HDGFL2: variants seen among roughly 807,000 people sequenced by gnomAD.
HDGFL2 encodes the protein hepatoma-derived growth factor-related protein 2.
Under a neutral mutation model 77.1 loss-of-function variants are expected in HDGFL2, and 36 were observed. That is an observed-to-expected ratio of 0.47 (90% confidence interval 0.36 to 0.62). The LOEUF (loss-of-function observed/expected upper bound fraction) is 0.62, where lower values mean the gene tolerates loss of function less well. Among genes scored for constraint, HDGFL2 ranks in the 20% least tolerant of loss-of-function variants. The pLI, the probability that HDGFL2 is intolerant of heterozygous loss-of-function variation, is 0.00. For missense variants in HDGFL2, 976 were observed against 973.4 expected (o/e 1.00, Z -0.04); for synonymous variants, 463 against 413.1 (o/e 1.12, Z -1.46).
chr19:4,502,096 G>T lies in HDGFL2; in HGVS notation c.*86G>T. On this transcript the variant is annotated 3_prime_UTR_variant, in exon 16 of 16. Transcript: ENST00000616600. Reference sequence around the variant, plus strand: ...TCGCAGGAGAGCAGAGCAGAGAACTGTGGGGAACGCTGTGCTGTTTGTATT... The same window carrying T: ...TCGCAGGAGAGCAGAGCAGAGAACTTTGGGGAACGCTGTGCTGTTTGTATT... 1.1e-6 allele frequency: 1 copy of T among 945,530 alleles called. No individual in the cohort carries two copies. The highest frequency in any genetic ancestry group is 1.6e-6 in the Non-Finnish European group (1 of 607,874). 58.6% of individuals were successfully genotyped at this position (945,530 alleles called of 1,614,324 possible). A position where few individuals can be genotyped will look rare whatever the true frequency, so the allele number is the denominator to read the frequency against.
intron 9 of HDGFL2, 130 bp from the exon 10 acceptor site, chr19:4,496,172 C>G: frequency 6.8e-6 from 5 of 739,118 alleles, no homozygotes; most frequent in South Asian, 6.6e-5. Context: ...CCCATCCTGC[C>G]CCAGCACCTT....
intron 3 of HDGFL2, among the ~76,000 whole-genome samples, chr19:4,487,242 A>G (rs1180340148): frequency 6.6e-6 from 1 of 152,028 alleles, no homozygotes; most frequent in Non-Finnish European, 1.5e-5. Flanking sequence ...CTGGAATGAC[A>G]GGCGTGAGCC....
intron 4 of HDGFL2, among the ~76,000 whole-genome samples, chr19:4,489,405 CCAT>C (rs1017395060): frequency 2.8e-5 from 4 of 143,998 alleles, no homozygotes; most frequent in Non-Finnish European, 6.0e-5. Context: ...GGCACCACCA[CCAT>C]ATTTTTTTTT....
Position 4,501,207 on chromosome 19 carries a change from G to T in HDGFL2, c.1806G>T (p.Val602=). Residue 602 remains valine (V), a synonymous_variant, in exon 15 of 16, where the codon GTG becomes GTT. Coordinates refer to ENST00000616600, the MANE Select transcript of HDGFL2 (RefSeq NM_001001520.3). The part of the protein sequence containing the change: ...DKPSTDLSAP[V]NGEATSQKGE... ...CCCACCCAGATCTCTCAGCCCCAGT[G>T]AATGGCGAGGCCACATCACAGAAGG... is the stretch of plus-strand genomic sequence containing the variant. 1 of 1,613,490 alleles carries T rather than the reference G, an allele frequency of 6.2e-7. No individual in the cohort carries two copies. The highest frequency in any genetic ancestry group is 1.1e-5 in the South Asian group (1 of 91,074).
intron 15 of HDGFL2, chr19:4,501,666 A>G (rs1975889890): frequency 2.0e-6 from 1 of 492,056 alleles, no homozygotes; most frequent in South Asian, 3.5e-5. Context: ...TGTCTGGTAC[A>G]AGGCTCAGTG....
Position 4,488,907 on chromosome 19 carries a change from C to T in HDGFL2, c.489+31C>T, listed in dbSNP as rs1336408127. The T allele has an allele frequency of 9.4e-6, 14 of 1,486,242 alleles. No homozygotes were observed. The South Asian group carries it at 1.6e-4, about 17-fold the overall frequency. The allele number at this position is 1,486,242 out of a possible 1,614,324, so 92.1% of individuals were successfully genotyped here. On this transcript the variant is annotated intron_variant, in intron 4 of 15. Transcript: ENST00000616600. ...GGAGGACCAAGGTGGGCTGGCCCTT[C>T]ATCCCCTTGCCCTGATGTCTCGCCT...
rs578158151 is a variant in HDGFL2 at position 4,501,823 on chromosome 19, A to G, written c.1917-88A>G. On this transcript the variant is annotated intron_variant, in intron 15 of 15. Transcript: ENST00000616600. ...GCCTCAGGTGCCACAACGGGGGTAC[A>G]CTCCTCGGTGCCCATCCCACCCAAC... 2,984 of 970,298 alleles carry G rather than the reference A, an allele frequency of 3.1e-3. 7 individuals carry two copies. Among genetic ancestry groups the G allele is most frequent in the Non-Finnish European group, 4.1e-3 (2,839 of 696,232 alleles). 60.1% of individuals were successfully genotyped at this position (970,298 alleles called of 1,614,324 possible). A position where few individuals can be genotyped will look rare whatever the true frequency, so the allele number is the denominator to read the frequency against.
rs1384924803 is a variant in HDGFL2, at chr19:4,475,515, A to C, written c.220A>C (p.Arg74=). The C allele has an allele frequency of 6.2e-7, 1 of 1,603,874 alleles. No individual in the cohort carries two copies. The highest frequency in any genetic ancestry group is 2.2e-5 in the East Asian group (1 of 44,828). The part of the protein sequence containing the change: ...CKDKYGKPNK[R]KGFNEGLWEI... ...AGACAAGTACGGGAAGCCCAACAAG[A>C]GGAAAGGCTTCAATGAAGGGCTGTG... The change falls in exon 3 of 16, where the codon AGG becomes CGG. Residue 74 remains arginine (R), a synonymous_variant. Transcript: ENST00000616600.
At chr19:4,492,283 AGTGT>A (rs993694828) in intron 6 of HDGFL2, among the ~76,000 whole-genome samples, 2 of 151,420 alleles carry the variant, frequency 1.3e-5, no homozygotes, top group Admixed American at 6.6e-5. Flanking sequence ...GTATGTGTGC[AGTGT>A]GTGTGTAGAT....
In HDGFL2 at chr19:4,498,392, C is replaced by T. The variant is rs1389899304; in HGVS notation, c.1473+16C>T. The T allele has an allele frequency of 1.2e-6, 2 of 1,602,918 alleles. No individual in the cohort carries two copies. Among genetic ancestry groups the T allele is most frequent in the East Asian group, 2.2e-5 (1 of 44,794 alleles). ...CGACAGCCCGGTAAGACCCTCAGGGCCTGTGAGCCAAGCAGTCCCCGCTGC... is the reference window on the plus strand; with the variant it reads ...CGACAGCCCGGTAAGACCCTCAGGGTCTGTGAGCCAAGCAGTCCCCGCTGC... On this transcript the variant is annotated intron_variant, in intron 12 of 15. Coordinates refer to ENST00000616600, the MANE Select transcript of HDGFL2 (RefSeq NM_001001520.3).
intron 13 of HDGFL2, 108 bp downstream of exon 13, chr19:4,499,023 C>T (rs1599725322): frequency 2.6e-6 from 2 of 759,936 alleles, no homozygotes; most frequent in African/African-American, 3.4e-5. Context: ...AGCCCTGGGT[C>T]AGCGAGGAGG....
intron 4 of HDGFL2, among the ~76,000 whole-genome samples, chr19:4,490,040 G>A (rs1037714988): frequency 1.3e-5 from 2 of 152,134 alleles, no homozygotes; most frequent in Non-Finnish European, 2.9e-5. Flanking sequence ...CAAGCGTGAC[G>A]TCCTCAGGGT....
intron 3 of HDGFL2, among the ~76,000 whole-genome samples, chr19:4,486,900 C>A (rs1002869270): frequency 6.6e-6 from 1 of 152,168 alleles, no homozygotes; most frequent in Admixed American, 6.5e-5. Flanking sequence ...TCTGACAACT[C>A]CTCTGTAAAA....
intron 1 of HDGFL2, among the ~76,000 whole-genome samples, chr19:4,472,728 T>G (rs1408708165): frequency 1.4e-5 from 2 of 144,804 alleles, no homozygotes; most frequent in African/African-American, 5.2e-5. Context: ...GGCCTGGGGG[T>G]CCTGGGCTGC....
intron 3 of HDGFL2, among the ~76,000 whole-genome samples, chr19:4,487,454 G>A (rs772458505): frequency 3.3e-5 from 5 of 151,776 alleles, no homozygotes; most frequent in Non-Finnish European, 7.4e-5. Context: ...AGGGGGTTTC[G>A]CCATGTTGCC....
Position 4,494,230 on chromosome 19 carries a change from C to T in HDGFL2, c.979C>T (p.Leu327=). ...KRRDEARRRE[L]EARRRREQEE... is the part of the protein sequence containing the mutation. ...GCGGGACGAGGCGCGGAGGCGCGAG[C>T]TGGAGGCCCGGCGGCGGCGAGAGCA... Residue 327 remains leucine (L), a synonymous_variant, in exon 9 of 16, where the codon CTG becomes TTG. Transcript: ENST00000616600. The T allele has an allele frequency of 1.4e-6, 2 of 1,463,712 alleles. No homozygotes were observed. The highest frequency in any genetic ancestry group is 1.4e-5 in the South Asian group (1 of 71,722). 90.7% of individuals were successfully genotyped at this position (1,463,712 alleles called of 1,614,324 possible).
Position 4,475,582 on chromosome 19 carries a change from C to T in HDGFL2, c.287C>T (p.Pro96Leu), listed in dbSNP as rs185764004. 199 of 1,573,258 alleles carry T rather than the reference C, an allele frequency of 1.3e-4. No homozygotes were observed. The African/African-American group carries it at 2.3e-3, about 18-fold the overall frequency. ...CCCCACGCCAGCTACAGCGCCCCTC[C>T]GGTGAGTACCCGGGGTGGAGAGCCA... is the stretch of plus-strand genomic sequence containing the variant. ...NNPHASYSAP[P>L]PVSSSDSEAP... The change falls in exon 3 of 16, where the codon CCG becomes CTG. Residue 96 changes from proline to leucine, a missense_variant and splice_region_variant. Coordinates refer to ENST00000616600, the MANE Select transcript of HDGFL2 (RefSeq NM_001001520.3).
At chr19:4,481,375 A>T (rs1975212658) in intron 3 of HDGFL2, among the ~76,000 whole-genome samples, 1 of 152,076 alleles carries the variant, frequency 6.6e-6, no homozygotes, top group African/African-American at 2.4e-5. Context: ...TATTTTTAGT[A>T]GAGACGGGGT....
chr19:4,495,259 G>T (rs890203751), intron 9 of HDGFL2, among the ~76,000 whole-genome samples: 1 of 151,886 alleles, frequency 6.6e-6, no homozygotes, highest in Non-Finnish European at 1.5e-5. Context: ...GTTGTGGCAG[G>T]TGCCTGTAGT....
Sources: gnomAD v4.1 joint callset for allele counts (sites outside exome capture counted in the v4.1 genomes callset) on GRCh38, gnomAD v4.1.1 for gene constraint, MANE v1.5 for transcripts, NCBI Gene and HGNC (gene_info 2026-07-23, HGNC 2026-07-21) for gene names.